NOX1: variants seen among roughly 807,000 people sequenced by gnomAD.
The protein encoded by NOX1 is NADH/NADPH mitogenic oxidase subunit P65-MOX.
A neutral mutation model predicts 42.5 loss-of-function variants in NOX1; 34 were observed. The ratio of observed to expected loss-of-function variants is 0.80; its 90% CI spans 0.61 to 1.07. NOX1 has a LOEUF of 1.07. Among genes scored for constraint, NOX1 ranks in the 50% least tolerant of loss-of-function variants. NOX1 has a pLI of 0.00. For missense variants in NOX1, 408 were observed against 427.0 expected (o/e 0.96, Z 0.39); for synonymous variants, 143 against 152.5 (o/e 0.94, Z 0.46).
chrX:100,844,729 G>A (rs1432033646), intron 12 of NOX1, among the ~76,000 whole-genome samples: 1 of 112,237 alleles, frequency 8.9e-6, no homozygotes, highest in Non-Finnish European at 1.9e-5. Flanking sequence ...CACAATGTCC[G>A]ACAAGGGAAA....
chrX:100,856,261 G>C, intron 7 of NOX1: 1 of 943,155 alleles, frequency 1.1e-6, no homozygotes, highest in Non-Finnish European at 1.5e-6. Context: ...CACAGTCTGT[G>C]AGCATTCCCC....
chrX:100,845,608 T>C (rs2085067202), intron 12 of NOX1, among the ~76,000 whole-genome samples: 1 of 85,929 alleles, frequency 1.2e-5, no homozygotes, highest in Non-Finnish European at 2.2e-5. Context: ...ATGGAAACTA[T>C]GTGTTTTTTT....
rs1220552544 is a variant in NOX1, at chrX:100,843,463, TTTTG to T, written c.*485_*488del. On this transcript the variant is annotated 3_prime_UTR_variant, in exon 13 of 13. Coordinates refer to ENST00000372966, the MANE Select transcript of NOX1 (RefSeq NM_007052.5). ...TATATGGGGATGGGGTTCTCGGTAA[TTTTG>T]TTTATTATTTATGTTTATTATTATG... 57 of 1,097,986 alleles carry T rather than the reference TTTTG, an allele frequency of 5.2e-5. No homozygotes were observed. The highest frequency in any genetic ancestry group is 2.3e-4 in the African/African-American group (12 of 51,674). The allele number at this position is 1,097,986 out of a possible 1,213,427, so 90.5% of individuals were successfully genotyped here.
In NOX1 at chrX:100,851,217, A is replaced by T. The variant is rs754612284; in HGVS notation, c.897+16T>A. ...ATAACTCTTATCACAGCAAGAGGAA[A>T]GTGCATATTCTTTACCTTGGTAATC... On this transcript the variant is annotated intron_variant, in intron 8 of 12. Coordinates refer to ENST00000372966, the MANE Select transcript of NOX1 (RefSeq NM_007052.5). 2.9e-6 allele frequency: 3 copies of T among 1,024,424 alleles called. 1 individual carries two copies. The South Asian group carries it at 6.1e-5, about 21-fold the overall frequency. 84.4% of individuals were successfully genotyped at this position (1,024,424 alleles called of 1,213,427 possible).
intron 7 of NOX1, among the ~76,000 whole-genome samples, chrX:100,853,279 T>TTTC: frequency 1.3e-5 from 1 of 77,934 alleles, no homozygotes; most frequent in East Asian, 3.7e-4. Flanking sequence ...TCTTTCTTTC[T>TTTC]TTCTTTCTTT....
At position 100,843,840 on chromosome X, in the gene NOX1, G is replaced by T; in HGVS notation, c.*112C>A. ...AAAAAAAGAATACCAGGGAGTCAAGGCTTGAGAGGCACATTCTTATCCTAA... is the reference window on the plus strand; with the variant it reads ...AAAAAAAGAATACCAGGGAGTCAAGTCTTGAGAGGCACATTCTTATCCTAA... On this transcript the variant is annotated 3_prime_UTR_variant, in exon 13 of 13. Transcript: ENST00000372966. 1.7e-6 allele frequency: 1 copy of T among 598,167 alleles called. No homozygotes were observed. Among genetic ancestry groups the T allele is most frequent in the Non-Finnish European group, 2.6e-6 (1 of 390,938 alleles). 49.3% of individuals were successfully genotyped at this position (598,167 alleles called of 1,213,427 possible).
intron 7 of NOX1, among the ~76,000 whole-genome samples, chrX:100,859,902 T>A (rs1256892608): frequency 9.1e-6 from 1 of 109,693 alleles, no homozygotes; most frequent in Non-Finnish European, 1.9e-5. Context: ...ATTCTATCTA[T>A]CTTATTAGAA....
At chrX:100,853,948 G>A (rs182306161) in intron 7 of NOX1, among the ~76,000 whole-genome samples, 184 of 112,275 alleles carry the variant, frequency 1.6e-3, no homozygotes, top group African/African-American at 5.7e-3. Context: ...TTCGAGACCA[G>A]TCTGGTCAAC....
intron 1 of NOX1, among the ~76,000 whole-genome samples, chrX:100,871,322 C>G (rs868324357): frequency 1.8e-5 from 2 of 111,880 alleles, no homozygotes; most frequent in Non-Finnish European, 3.8e-5. Flanking sequence ...TATGTACTAT[C>G]TAGATTTTTA....
chrX:100,850,482 G>A, intron 8 of NOX1, 96 bp from the exon 9 acceptor site: 1 of 536,439 alleles, frequency 1.9e-6, no homozygotes, highest in Non-Finnish European at 3.1e-6. Context: ...GCTGGTGACA[G>A]TGGTGAACTA....
rs773768401 is a variant in NOX1, at chrX:100,850,343, T to G, written c.941A>C (p.Lys314Thr). Residue 314 changes from lysine to threonine, a missense_variant, in exon 9 of 13, where the codon AAG becomes ACG. Coordinates refer to ENST00000372966, the MANE Select transcript of NOX1 (RefSeq NM_007052.5). Reference protein sequence around the residue: ...PSKVLELQMNKRGFSMEVGQY... With the variant: ...PSKVLELQMNTRGFSMEVGQY... ...CCCCACTTCCATGCTGAAGCCACGC[T>G]TGTTCATCTGCAATTCCAAAACTTT... is the stretch of plus-strand genomic sequence containing the variant. 1 of 1,201,831 alleles carries G rather than the reference T, an allele frequency of 8.3e-7. No individual in the cohort carries two copies. Among genetic ancestry groups the G allele is most frequent in the African/African-American group, 1.7e-5 (1 of 57,224 alleles).
At chrX:100,844,402 C>T (rs893099551) in intron 12 of NOX1, among the ~76,000 whole-genome samples, 2 of 111,766 alleles carry the variant, frequency 1.8e-5, no homozygotes, top group African/African-American at 3.2e-5. Flanking sequence ...TTTATCCCAC[C>T]TGTGGGACTT....
chrX:100,874,221 A>T lies in NOX1; in HGVS notation c.-82T>A. Reference sequence around the variant, plus strand: ...TTCTGGAGAGGTCCTTCAGGAATGGAACATTTGTCCAGCGCAGGGTCTGTG... The same window carrying T: ...TTCTGGAGAGGTCCTTCAGGAATGGTACATTTGTCCAGCGCAGGGTCTGTG... On this transcript the variant is annotated 5_prime_UTR_variant, in exon 1 of 13. Transcript: ENST00000372966. 1.5e-6 allele frequency: 1 copy of T among 682,850 alleles called. No homozygotes were observed. The highest frequency in any genetic ancestry group is 2.4e-6 in the Non-Finnish European group (1 of 424,299). The allele number at this position is 682,850 out of a possible 1,213,427, so 56.3% of individuals were successfully genotyped here.
chrX:100,861,583 C>T (rs1395611166), intron 7 of NOX1, among the ~76,000 whole-genome samples: 2 of 111,650 alleles, frequency 1.8e-5, no homozygotes, highest in Non-Finnish European at 3.8e-5. Flanking sequence ...CAAAAATTTC[C>T]AAGCATATTC....
intron 4 of NOX1, 111 bp from the exon 5 acceptor site, chrX:100,862,931 G>T: frequency 1.3e-6 from 1 of 765,896 alleles, no homozygotes; most frequent in Non-Finnish European, 2.0e-6. Context: ...AGAATGCTGA[G>T]TGCACAGAAG....
rs1225451844 is a variant in NOX1, at chrX:100,869,308, C to G, written c.141+1411G>C. On this transcript the variant is annotated intron_variant, in intron 2 of 12. Transcript: ENST00000372966. ...CTATCCATGAGTATGGAATGTTCTT[C>G]CATTTGTTTGTATCCTCTTTTATTT... Among the ~76,000 whole-genome samples the G allele has an allele frequency of 3.6e-5, 4 of 111,040 alleles. No individual in the cohort carries two copies. In the Admixed American group the frequency reaches 3.8e-4, roughly 11 times the overall value.
At chrX:100,866,245 A>C (rs1474460517) in intron 2 of NOX1, among the ~76,000 whole-genome samples, 2 of 109,682 alleles carry the variant, frequency 1.8e-5, no homozygotes, top group African/African-American at 6.6e-5. Flanking sequence ...AGAAAGAAAG[A>C]TATCTGAGAT....
rs758018289 is a variant in NOX1, at chrX:100,843,908, A to C, written c.*44T>G. 7.0e-6 allele frequency: 8 copies of C among 1,136,014 alleles called. No individual in the cohort carries two copies. The Admixed American group carries it at 1.6e-4, about 22-fold the overall frequency. The allele number at this position is 1,136,014 out of a possible 1,213,427, so 93.6% of individuals were successfully genotyped here. On this transcript the variant is annotated 3_prime_UTR_variant, in exon 13 of 13. Transcript: ENST00000372966. ...GACGAGACCAAGTAAATTACTGAAG[A>C]TACAAAGAGACAAAATGCAGATTAC...
At chrX:100,858,058 A>G (rs2085179475) in intron 7 of NOX1, among the ~76,000 whole-genome samples, 2 of 110,996 alleles carry the variant, frequency 1.8e-5, no homozygotes, top group Non-Finnish European at 3.8e-5. Flanking sequence ...CGGTGTTTAT[A>G]GTTTGGGGTT....
Sources: gnomAD v4.1 joint callset for allele counts (sites outside exome capture counted in the v4.1 genomes callset) on GRCh38, gnomAD v4.1.1 for gene constraint, MANE v1.5 for transcripts, NCBI Gene and HGNC (gene_info 2026-07-23, HGNC 2026-07-21) for gene names.